The following FBXO16 variants were observed in gnomAD, a reference collection of about 807,000 sequenced individuals.
FBXO16 encodes the protein F-box protein 16.
FBXO16 carries 31 observed loss-of-function variants against 41.0 expected under a neutral mutation model. The ratio of observed to expected loss-of-function variants is 0.76; its 90% CI spans 0.57 to 1.02. The LOEUF (loss-of-function observed/expected upper bound fraction) is 1.02. Among genes scored for constraint, FBXO16 ranks in the 50% least tolerant of loss-of-function variants. FBXO16 has a pLI of 0.00. For missense variants in FBXO16, 361 were observed against 346.2 expected (o/e 1.04, Z -0.34); for synonymous variants, 133 against 117.8 (o/e 1.13, Z -0.84).
chr8:28,482,392 G>A (rs939267163), intron 2 of FBXO16, among the ~76,000 whole-genome samples: 3 of 152,068 alleles, frequency 2.0e-5, no homozygotes, highest in Admixed American at 1.3e-4. Context: ...TGCATACAGC[G>A]ATTGGTCACT....
rs554554256 is a variant in FBXO16 at position 28,437,932 on chromosome 8, A to G, written c.844-8529T>C. 1.0e-3 allele frequency among the ~76,000 whole-genome samples: 157 copies of G among 152,278 alleles called. 1 individual carries two copies. Among genetic ancestry groups the G allele is most frequent in the African/African-American group, 3.4e-3 (140 of 41,544 alleles). ...AATGATGAGGAGTCCACACGTAGGC[A>G]CAAGACTATACGGAGGCCATGTAGG... On this transcript the variant is annotated intron_variant, in intron 7 of 8. Coordinates refer to ENST00000380254, the MANE Select transcript of FBXO16 (RefSeq NM_172366.4).
intron 3 of FBXO16, chr8:28,465,391 G>T (rs1042864477): frequency 2.2e-6 from 1 of 451,886 alleles, no homozygotes; most frequent in African/African-American, 2.0e-5. Flanking sequence ...GGGAGGCAGA[G>T]GCAGGAGAAT....
chr8:28,474,149 C>T (rs1179049228), intron 2 of FBXO16, among the ~76,000 whole-genome samples: 1 of 151,376 alleles, frequency 6.6e-6, no homozygotes, highest in Non-Finnish European at 1.5e-5. Flanking sequence ...CATGGTGAGA[C>T]TCTATCTCTA....
In FBXO16 at chr8:28,463,784, ATTC is replaced by A. The variant is rs777110306; in HGVS notation, c.167_169del (p.Arg56del). 21 of 1,614,042 alleles carry A rather than the reference ATTC, an allele frequency of 1.3e-5. No homozygotes were observed. In the East Asian group the frequency reaches 3.3e-4, roughly 26 times the overall value. ...GCAGCGCTCCAACAGGCCTGTGAGG[ATTC>A]TTCTTCTTTGAGAGTCTGTCCATTT... On this transcript the variant is annotated inframe_deletion, in exon 4 of 9. Coordinates refer to ENST00000380254, the MANE Select transcript of FBXO16 (RefSeq NM_172366.4).
At chr8:28,460,421 TA>T (rs1803113637) in intron 4 of FBXO16, among the ~76,000 whole-genome samples, 1 of 128,088 alleles carries the variant, frequency 7.8e-6, no homozygotes, top group Non-Finnish European at 1.6e-5. Flanking sequence ...TATACCTGGC[TA>T]ATTTTTTTTT....
rs573233060 is a variant in FBXO16, at chr8:28,442,081, T to C, written c.843+5090A>G. Among the ~76,000 whole-genome samples, 447 of 151,162 alleles carry C rather than the reference T, an allele frequency of 3.0e-3. 2 individuals are homozygous for C. Among genetic ancestry groups the C allele is most frequent in the Non-Finnish European group, 4.0e-3 (270 of 67,762 alleles). ...GCCTCAGCCTCCCAAGTAGCTGGGA[T>C]TACAGGCATGCACCACCATGCCTAA... On this transcript the variant is annotated intron_variant, in intron 7 of 8. Transcript: ENST00000380254.
chr8:28,460,217 ATG>A (rs199922102), intron 4 of FBXO16, among the ~76,000 whole-genome samples: 1,577 of 105,422 alleles, frequency 0.015, 51 homozygotes, highest in African/African-American at 0.062. Flanking sequence ...ACAAATATAT[ATG>A]TGTGTGTATA....
chr8:28,447,053 T>C, intron 7 of FBXO16, 118 bp downstream of exon 7: 1 of 913,434 alleles, frequency 1.1e-6, no homozygotes, highest in Non-Finnish European at 1.6e-6. Context: ...AAACCCGAAT[T>C]TAAATCACCA....
chr8:28,441,637 G>T (rs1013197307), intron 7 of FBXO16, among the ~76,000 whole-genome samples: 11 of 151,234 alleles, frequency 7.3e-5, no homozygotes, highest in Non-Finnish European at 1.3e-4. Flanking sequence ...TCAGGAGGCT[G>T]AGGCAGGAGA....
chr8:28,481,172 A>C (rs1471808401), intron 2 of FBXO16, among the ~76,000 whole-genome samples: 1 of 152,166 alleles, frequency 6.6e-6, no homozygotes, highest in Non-Finnish European at 1.5e-5. Context: ...GGGTGTTGGA[A>C]TTTACTCTTG....
At chr8:28,468,011 G>C (rs1484753789) in intron 3 of FBXO16, among the ~76,000 whole-genome samples, 1 of 152,104 alleles carries the variant, frequency 6.6e-6, no homozygotes, top group Non-Finnish European at 1.5e-5. Flanking sequence ...TGAACAGTAG[G>C]GGAAAATCCC....
chr8:28,483,925 A>G (rs530434672), intron 1 of FBXO16, among the ~76,000 whole-genome samples: 1 of 152,322 alleles, frequency 6.6e-6, no homozygotes, highest in South Asian at 2.1e-4. Flanking sequence ...GGGGCATGTT[A>G]TATGTCAAGC....
intron 1 of FBXO16, among the ~76,000 whole-genome samples, chr8:28,484,057 G>C (rs945706399): frequency 6.6e-6 from 1 of 152,164 alleles, no homozygotes; most frequent in Non-Finnish European, 1.5e-5. Context: ...CATACAGATA[G>C]CAAGTGGTGT....
At position 28,428,548 on chromosome 8, in the gene FBXO16, AG is replaced by A. The variant is rs1167423290; in HGVS notation, c.*178del. ...AGCATCTTGTCATTTCTATAATAAA[AG>A]TCTTTCCATGTTCAGTCCACTTTGG... On this transcript the variant is annotated 3_prime_UTR_variant, in exon 9 of 9. Coordinates refer to ENST00000380254, the MANE Select transcript of FBXO16 (RefSeq NM_172366.4). The A allele has an allele frequency of 1.3e-6, 2 of 1,544,448 alleles. No homozygotes were observed. The highest frequency in any genetic ancestry group is 2.7e-5 in the African/African-American group (2 of 72,802).
intron 3 of FBXO16, among the ~76,000 whole-genome samples, chr8:28,469,207 G>A (rs1803292395): frequency 6.6e-6 from 1 of 152,068 alleles, no homozygotes; most frequent in South Asian, 2.1e-4. Context: ...CAGCTACTCG[G>A]GAGGCTGAAG....
At chr8:28,471,739 A>G (rs1489009066) in intron 3 of FBXO16, among the ~76,000 whole-genome samples, 1 of 151,168 alleles carries the variant, frequency 6.6e-6, no homozygotes, top group East Asian at 1.9e-4. Context: ...ATGTATAACG[A>G]AAAACAGGAA....
At chr8:28,480,143 A>AT (rs757693354) in intron 2 of FBXO16, among the ~76,000 whole-genome samples, 48 of 151,232 alleles carry the variant, frequency 3.2e-4, no homozygotes, top group South Asian at 6.3e-4. Flanking sequence ...TGGTCCGTCT[A>AT]TTTTTTTTCT....
intron 3 of FBXO16, among the ~76,000 whole-genome samples, chr8:28,466,124 A>G (rs1803234864): frequency 6.6e-6 from 1 of 152,164 alleles, no homozygotes; most frequent in Non-Finnish European, 1.5e-5. Context: ...CTGTAATTCC[A>G]GCTATTCGGG....
At chr8:28,445,978 C>T (rs938341611) in intron 7 of FBXO16, among the ~76,000 whole-genome samples, 1 of 152,084 alleles carries the variant, frequency 6.6e-6, no homozygotes, top group Non-Finnish European at 1.5e-5. Context: ...CTTTCTACTT[C>T]GTGCCAAAGA....
Sources: allele counts gnomAD v4.1 joint callset (sites outside exome capture counted in the v4.1 genomes callset), GRCh38; gene constraint gnomAD v4.1.1; transcripts MANE v1.5; gene names NCBI Gene and HGNC (gene_info 2026-07-23, HGNC 2026-07-21).